DOCK1: variants seen among roughly 807,000 people sequenced by gnomAD.
DOCK1 encodes dedicator of cytokinesis protein 1.
Under a neutral mutation model 262.7 loss-of-function variants are expected in DOCK1, and 138 were observed. The observed-to-expected ratio is 0.53, with a 90% CI of 0.46 to 0.61. DOCK1 has a LOEUF of 0.61. DOCK1 is among the 20% of genes least tolerant of loss of function. The pLI is 0.00. For missense variants in DOCK1, 1,908 were observed against 2,370.7 expected (o/e 0.80, Z 4.05); for synonymous variants, 866 against 867.4 (o/e 1.00, Z 0.03).
intron 23 of DOCK1, among the ~76,000 whole-genome samples, chr10:127,099,264 TGAGGACAGAAG>T (rs1036377582): frequency 4.6e-5 from 7 of 152,216 alleles, no homozygotes; most frequent in Non-Finnish European, 5.9e-5. Flanking sequence ...ATGTCCTCTG[TGAGGACAGAAG>T]GAGACAAAGC....
chr10:127,026,666 C>G (rs1411389790), intron 16 of DOCK1, among the ~76,000 whole-genome samples: 1 of 152,192 alleles, frequency 6.6e-6, no homozygotes, highest in Non-Finnish European at 1.5e-5. Flanking sequence ...CTTTCTTTTG[C>G]TTTCCAGTCT....
Position 127,369,452 on chromosome 10 carries a change from TAA to T in DOCK1, c.3433-4326_3433-4325del, listed in dbSNP as rs1360696850. ...CTGCGATTATATTGAATTTCATTCT[TAA>T]AAGCCCTCCAGCAAAGAGATTCTTC... is the stretch of plus-strand genomic sequence containing the variant. On this transcript the variant is annotated intron_variant, in intron 33 of 51. Coordinates refer to ENST00000623213, the MANE Select transcript of DOCK1 (RefSeq NM_001290223.2). 2.0e-5 allele frequency among the ~76,000 whole-genome samples: 3 copies of T among 152,240 alleles called. No individual in the cohort carries two copies. The East Asian group carries it at 5.8e-4, about 29-fold the overall frequency.
intron 23 of DOCK1, among the ~76,000 whole-genome samples, chr10:127,086,763 C>T (rs992951230): frequency 3.3e-5 from 5 of 152,024 alleles, no homozygotes; most frequent in East Asian, 3.9e-4. Context: ...GAGACACTCA[C>T]GTCAAAGGGA....
chr10:127,434,680 G>A (rs1291051480), intron 48 of DOCK1, among the ~76,000 whole-genome samples: 18 of 146,704 alleles, frequency 1.2e-4, no homozygotes, highest in Admixed American at 1.2e-3. Context: ...TTGAGACGGA[G>A]TCTCCCTCTG....
chr10:127,442,044 C>G (rs1247090440), intron 49 of DOCK1, among the ~76,000 whole-genome samples: 1 of 152,158 alleles, frequency 6.6e-6, no homozygotes, highest in Non-Finnish European at 1.5e-5. Flanking sequence ...CCTGACTTCC[C>G]ACAGCAGTTT....
At chr10:127,357,191 G>T (rs1227162028) in intron 32 of DOCK1, among the ~76,000 whole-genome samples, 1 of 152,188 alleles carries the variant, frequency 6.6e-6, no homozygotes, top group Non-Finnish European at 1.5e-5. Context: ...GCCACAGCTG[G>T]CCAGAGGTCA....
intron 23 of DOCK1, among the ~76,000 whole-genome samples, chr10:127,062,809 G>A (rs2045617981): frequency 6.6e-6 from 1 of 152,238 alleles, no homozygotes; most frequent in Non-Finnish European, 1.5e-5. Flanking sequence ...CCCTGGAAAG[G>A]GTGGTGAACC....
Position 127,409,372 on chromosome 10 carries a change from G to C in DOCK1, c.4324G>C (p.Val1442Leu), listed in dbSNP as rs1385068190. The change falls in exon 42 of 52, where the codon GTG becomes CTG. Residue 1442 changes from valine (V) to leucine (L), a missense_variant. This residue lies in a region of DOCK1 where 267 missense variants were observed against 366.3 expected (regional missense o/e 0.73). Coordinates refer to ENST00000623213, the MANE Select transcript of DOCK1 (RefSeq NM_001290223.2). ...LDLPPKFHRP[V>L]SEQIVSFYRV... ...TCTGCCTCCTAAGTTTCACAGGCCA[G>C]TGTCAGAGCAGATTGTAAGGTAATA... is the stretch of plus-strand genomic sequence containing the variant. The C allele has an allele frequency of 6.2e-7, 1 of 1,613,988 alleles. No homozygotes were observed. Among genetic ancestry groups the C allele is most frequent in the East Asian group, 2.2e-5 (1 of 44,878 alleles).
At chr10:127,156,371 A>G (rs1486362987) in intron 27 of DOCK1, among the ~76,000 whole-genome samples, 3 of 152,066 alleles carry the variant, frequency 2.0e-5, no homozygotes, top group African/African-American at 7.2e-5. Flanking sequence ...TCTGCACCAC[A>G]TGTAATTGGC....
At chr10:127,092,916 G>A (rs1047752301) in intron 23 of DOCK1, among the ~76,000 whole-genome samples, 1 of 152,160 alleles carries the variant, frequency 6.6e-6, no homozygotes, top group Non-Finnish European at 1.5e-5. Context: ...TGATGTATTC[G>A]TCCCTCAGGG....
In DOCK1 at chr10:127,012,901, G is replaced by A. The variant is rs976100483; in HGVS notation, c.1201+527G>A. ...TCGGGCTGGTGACAGTTGGCACTTG[G>A]CTGGCCAGGAGGGCTGCCAGGAAAC... is the stretch of plus-strand genomic sequence containing the variant. On this transcript the variant is annotated intron_variant, in intron 12 of 51. Transcript: ENST00000623213. This position sits in a 1 kb window ranked among gnomAD's most constrained non-coding sequence, Gnocchi z 4.0. Among the ~76,000 whole-genome samples the A allele has an allele frequency of 6.6e-6, 1 of 152,164 alleles. No individual in the cohort carries two copies.
chr10:127,052,670 A>T lies in DOCK1; in HGVS notation c.2202-11A>T. 6.2e-7 allele frequency: 1 copy of T among 1,613,956 alleles called. No homozygotes were observed. The highest frequency in any genetic ancestry group is 8.5e-7 in the Non-Finnish European group (1 of 1,179,890). The stretch of plus-strand genomic sequence containing the variant: ...CCTGAGCTTATTTGTGCGTGTTTGC[A>T]TTGTGAATAGGAAGTTGACAAAAGT... On this transcript the variant is annotated splice_polypyrimidine_tract_variant and intron_variant, in intron 21 of 51. Coordinates refer to ENST00000623213, the MANE Select transcript of DOCK1 (RefSeq NM_001290223.2).
chr10:126,988,983 G>T (rs898690878), intron 5 of DOCK1, among the ~76,000 whole-genome samples: 2 of 150,290 alleles, frequency 1.3e-5, no homozygotes, highest in Non-Finnish European at 2.9e-5. Context: ...TTAGGCAGGA[G>T]AATTGCTTGA....
In DOCK1 at chr10:127,419,762, G is replaced by C. The variant is rs747189339; in HGVS notation, c.4776+13G>C. 2.5e-6 allele frequency: 4 copies of C among 1,581,198 alleles called. No homozygotes were observed. The highest frequency in any genetic ancestry group is 3.4e-6 in the Non-Finnish European group (4 of 1,162,950). On this transcript the variant is annotated intron_variant, in intron 46 of 51. Transcript: ENST00000623213. ...GATTGCTTGGCAGGTAAAGTGTCCA[G>C]CAAGAGTCCTGCATGGCTGGAGGGA...
intron 1 of DOCK1, among the ~76,000 whole-genome samples, chr10:126,951,613 G>A (rs2036253016): frequency 1.1e-5 from 1 of 92,114 alleles, no homozygotes; most frequent in Admixed American, 1.1e-4. Context: ...GGTAGTGTTG[G>A]TGGTGGTATT....
In DOCK1 at chr10:127,328,022, G is replaced by A. The variant is rs143112564; in HGVS notation, c.3045-10984G>A. Among the ~76,000 whole-genome samples the A allele has an allele frequency of 3.5e-3, 526 of 151,198 alleles. 7 individuals carry two copies. The highest frequency in any genetic ancestry group is 0.012 in the African/African-American group (498 of 41,176). On this transcript the variant is annotated intron_variant, in intron 29 of 51. Coordinates refer to ENST00000623213, the MANE Select transcript of DOCK1 (RefSeq NM_001290223.2). The stretch of plus-strand genomic sequence containing the variant: ...GCCTGGCTTGAGTGAAACTAAATGC[G>A]TAGTGAGTAGAAGTTGCCAAGCACC...
intron 16 of DOCK1, among the ~76,000 whole-genome samples, chr10:127,031,317 T>C (rs181337082): frequency 1.2e-3 from 176 of 152,306 alleles, no homozygotes; most frequent in African/African-American, 3.9e-3. Context: ...TGTTGCGGGC[T>C]TTCCTCTGCC....
At chr10:127,212,599 T>TC (rs2134346037) in intron 27 of DOCK1, among the ~76,000 whole-genome samples, 1 of 152,182 alleles carries the variant, frequency 6.6e-6, no homozygotes, top group East Asian at 1.9e-4. Context: ...GTTAAGCCTC[T>TC]CCTTGTAGTG....
chr10:126,943,543 T>A (rs1471547885), intron 1 of DOCK1, among the ~76,000 whole-genome samples: 3 of 152,202 alleles, frequency 2.0e-5, no homozygotes, highest in African/African-American at 7.2e-5. Flanking sequence ...AATCATTCAG[T>A]GGATTTCGGC....
Sources: allele counts gnomAD v4.1 joint callset (sites outside exome capture counted in the v4.1 genomes callset), GRCh38; gene constraint gnomAD v4.1.1; regional missense constraint gnomAD v4.1.1; non-coding constraint Gnocchi (gnomAD v3.1); transcripts MANE v1.5; gene names NCBI Gene and HGNC (gene_info 2026-07-23, HGNC 2026-07-21).